PLXNA4: variants seen among roughly 807,000 people sequenced by gnomAD.
PLXNA4 encodes plexin-A4.
In PLXNA4, 44 loss-of-function variants were observed where a neutral mutation model predicts 191.8. The ratio of observed to expected loss-of-function variants is 0.23; its 90% confidence interval spans 0.18 to 0.29. PLXNA4 has a LOEUF of 0.29. Ranked by LOEUF, PLXNA4 falls within the 10% of genes least tolerant of loss-of-function variation. PLXNA4 has a pLI of 1.00. For synonymous variants in PLXNA4, 1,082 were observed against 1,009.5 expected (o/e 1.07, Z -1.36); for missense variants, 1,800 against 2,488.8 (o/e 0.72, Z 5.89).
chr7:132,408,911 T>C (rs1794337440), intron 3 of PLXNA4, among the ~76,000 whole-genome samples: 1 of 128,698 alleles, frequency 7.8e-6, no homozygotes, highest in South Asian at 2.7e-4. Flanking sequence ...TTGGATCACA[T>C]GATCTCTAAA....
At chr7:132,437,684 C>T (rs1795529468) in intron 3 of PLXNA4, among the ~76,000 whole-genome samples, 1 of 152,114 alleles carries the variant, frequency 6.6e-6, no homozygotes. Context: ...CAGTGAAACT[C>T]TCCTTTGTTT....
intron 1 of PLXNA4, among the ~76,000 whole-genome samples, chr7:132,563,336 CTTCTCCTCCTCT>C (rs1801438862): frequency 9.3e-6 from 1 of 108,010 alleles, no homozygotes; most frequent in Admixed American, 9.1e-5. Context: ...CCTCCTCCTC[CTTCTCCTCCTCT>C]TTCTCCTCCT....
chr7:132,632,785 G>T (rs956575947), intron 2 of PLXNA4, among the ~76,000 whole-genome samples: 1 of 152,122 alleles, frequency 6.6e-6, no homozygotes, highest in Admixed American at 6.5e-5. Context: ...AACTTAAAGG[G>T]AATAAATTTA....
intron 3 of PLXNA4, among the ~76,000 whole-genome samples, chr7:132,299,543 TAA>T (rs1280501033): frequency 6.6e-6 from 1 of 152,224 alleles, no homozygotes; most frequent in Non-Finnish European, 1.5e-5. Context: ...CTCTGATTTT[TAA>T]AATTTCCTTT....
At chr7:132,540,833 C>G (rs958721480) in intron 1 of PLXNA4, among the ~76,000 whole-genome samples, 1 of 151,286 alleles carries the variant, frequency 6.6e-6, no homozygotes, top group Non-Finnish European at 1.5e-5. Flanking sequence ...ATGATCCACC[C>G]GCCTCGGCCT....
At chr7:132,164,989 T>G in intron 23 of PLXNA4, 145 bp downstream of exon 23, 1 of 1,270,136 alleles carries the variant, frequency 7.9e-7, no homozygotes, top group Non-Finnish European at 1.1e-6. Flanking sequence ...TCCTAGACAG[T>G]CCATGATAAG....
intron 16 of PLXNA4, among the ~76,000 whole-genome samples, chr7:132,185,020 T>C (rs1276488672): frequency 2.6e-5 from 4 of 152,160 alleles, no homozygotes; most frequent in East Asian, 1.9e-4. Flanking sequence ...CACTGCAGCA[T>C]AGGGACATGG....
intron 20 of PLXNA4, among the ~76,000 whole-genome samples, chr7:132,178,507 C>T (rs1796551573): frequency 6.6e-6 from 1 of 152,226 alleles, no homozygotes; most frequent in Admixed American, 6.5e-5. Context: ...CTAATCACTA[C>T]ACCTTCAAGG....
At chr7:132,376,305 A>AG (rs1382022609) in intron 3 of PLXNA4, among the ~76,000 whole-genome samples, 2 of 152,174 alleles carry the variant, frequency 1.3e-5, no homozygotes, top group Non-Finnish European at 1.5e-5. Context: ...AAGGACCCCC[A>AG]GCCGAGGATA....
Position 132,159,500 on chromosome 7 carries a change from G to T in PLXNA4, c.4633C>A (p.Arg1545=). Reference sequence around the variant, plus strand: ...AGATCCATATCTGCAGCTTTGGGCCGGTGGGAGCAAGGCACATTCTTGAAG... The same window carrying T: ...AGATCCATATCTGCAGCTTTGGGCCTGTGGGAGCAAGGCACATTCTTGAAG... ...AIFKNVPCSH[R]PKAADMDLEW... The change falls in exon 25 of 32, where the codon CGG becomes AGG. Residue 1545 remains arginine, a synonymous_variant. Coordinates refer to ENST00000321063, the MANE Select transcript of PLXNA4 (RefSeq NM_020911.2). 6.2e-7 allele frequency: 1 copy of T among 1,614,144 alleles called. No individual in the cohort carries two copies. The highest frequency in any genetic ancestry group is 8.5e-7 in the Non-Finnish European group (1 of 1,180,024).
At chr7:132,151,838 A>C (rs1336937677) in intron 25 of PLXNA4, among the ~76,000 whole-genome samples, 1 of 152,128 alleles carries the variant, frequency 6.6e-6, no homozygotes, top group Non-Finnish European at 1.5e-5. Context: ...GTGGAGTATA[A>C]CTGGCGGGCA....
intron 2 of PLXNA4, among the ~76,000 whole-genome samples, chr7:132,598,985 G>C (rs527912518): frequency 7.0e-4 from 106 of 152,272 alleles, no homozygotes; most frequent in African/African-American, 2.5e-3. Flanking sequence ...ATGGTTATCT[G>C]TATGGTAAGT....
intron 3 of PLXNA4, chr7:132,385,166 C>A: frequency 1.9e-6 from 3 of 1,613,492 alleles, no homozygotes; most frequent in Non-Finnish European, 1.7e-6. Context: ...CTAAATAAGC[C>A]TACACAGCTC....
intron 1 of PLXNA4, among the ~76,000 whole-genome samples, chr7:132,534,047 G>A (rs1448994432): frequency 1.3e-5 from 2 of 152,060 alleles, no homozygotes; most frequent in Non-Finnish European, 2.9e-5. Context: ...AAATAAAATG[G>A]TTGCTTTATG....
chr7:132,290,293 C>T lies in PLXNA4; in HGVS notation c.1503+7798G>A, dbSNP rs527366609. Among the ~76,000 whole-genome samples the T allele has an allele frequency of 2.6e-5, 4 of 152,288 alleles. No individual in the cohort carries two copies. The South Asian group carries it at 8.3e-4, about 32-fold the overall frequency. ...AGGAAAGGGCTGGTGTGTGGAGAGG[C>T]AGATACATTGAAATTCACTGAGAAA... On this transcript the variant is annotated intron_variant, in intron 4 of 31. Coordinates refer to ENST00000321063, the MANE Select transcript of PLXNA4 (RefSeq NM_020911.2).
At chr7:132,504,887 G>A (rs1025015375) in intron 2 of PLXNA4, among the ~76,000 whole-genome samples, 6 of 152,328 alleles carry the variant, frequency 3.9e-5, no homozygotes, top group Middle Eastern at 3.4e-3. Context: ...TGGTGCCATC[G>A]GGGCAACACA....
chr7:132,274,423 A>G (rs1268427380), intron 4 of PLXNA4, among the ~76,000 whole-genome samples: 3 of 152,164 alleles, frequency 2.0e-5, no homozygotes, highest in African/African-American at 4.8e-5. Flanking sequence ...ACCATGTCCT[A>G]TGCTCAAAAC....
At position 132,508,703 on chromosome 7, in the gene PLXNA4, G is replaced by A. The variant is rs761749437; in HGVS notation, c.-10C>T. The stretch of plus-strand genomic sequence containing the variant: ...AGGGCATGGCTTTCATGGCAGAGGC[G>A]GGTCCCAGTGGCACAGCAGCACTCA... On this transcript the variant is annotated 5_prime_UTR_variant, in exon 2 of 32. Coordinates refer to ENST00000321063, the MANE Select transcript of PLXNA4 (RefSeq NM_020911.2). This position sits in a 1 kb window ranked among gnomAD's most constrained non-coding sequence, Gnocchi z 4.4. 1.4e-5 allele frequency: 21 copies of A among 1,492,782 alleles called. No homozygotes were observed. The highest frequency in any genetic ancestry group is 5.4e-5 in the South Asian group (4 of 74,586). 92.5% of individuals were successfully genotyped at this position (1,492,782 alleles called of 1,614,324 possible). A position where few individuals can be genotyped will look rare whatever the true frequency, so the allele number is the denominator to read the frequency against.
At chr7:132,629,817 G>C (rs1258136272) in intron 2 of PLXNA4, among the ~76,000 whole-genome samples, 1 of 152,000 alleles carries the variant, frequency 6.6e-6, no homozygotes, top group African/African-American at 2.4e-5. Flanking sequence ...CCTTTCTTCT[G>C]TGCATGCATG....
Sources: gnomAD v4.1 joint callset for allele counts (sites outside exome capture counted in the v4.1 genomes callset) on GRCh38, gnomAD v4.1.1 for gene constraint, Gnocchi (gnomAD v3.1) non-coding constraint, MANE v1.5 for transcripts, NCBI Gene and HGNC (gene_info 2026-07-23, HGNC 2026-07-21) for gene names.